ARHGAP6: variants seen among roughly 807,000 people sequenced by gnomAD.
ARHGAP6 encodes the protein rho GTPase-activating protein 6.
In ARHGAP6, 16 loss-of-function variants were observed where a neutral mutation model predicts 55.7. The observed-to-expected ratio is 0.29, with a 90% CI of 0.19 to 0.44. The LOEUF is 0.44. Ranked by LOEUF, ARHGAP6 falls within the 20% of genes least tolerant of loss-of-function variation. The pLI, the probability that ARHGAP6 is intolerant of heterozygous loss-of-function variation, is 1.00. For missense variants in ARHGAP6, 698 were observed against 808.9 expected (o/e 0.86, Z 1.66); for synonymous variants, 382 against 360.9 (o/e 1.06, Z -0.66).
At chrX:11,170,590 G>A (rs186520438) in intron 8 of ARHGAP6, among the ~76,000 whole-genome samples, 2 of 111,841 alleles carry the variant, frequency 1.8e-5, no homozygotes, top group East Asian at 5.6e-4. Context: ...GGGATGCAAG[G>A]AAGTAGGACT....
chrX:11,354,438 T>C (rs1802015069), intron 1 of ARHGAP6, among the ~76,000 whole-genome samples: 1 of 104,060 alleles, frequency 9.6e-6, no homozygotes, highest in African/African-American at 3.5e-5. Context: ...TCATTTATTG[T>C]GAAATGAGGA....
intron 1 of ARHGAP6, among the ~76,000 whole-genome samples, chrX:11,330,572 A>T (rs902989131): frequency 9.0e-6 from 1 of 111,024 alleles, no homozygotes; most frequent in Non-Finnish European, 1.9e-5. Flanking sequence ...AGATAAACAC[A>T]ATCTTTTACA....
At chrX:11,527,738 A>G (rs2051005543) in intron 1 of ARHGAP6, among the ~76,000 whole-genome samples, 1 of 112,785 alleles carries the variant, frequency 8.9e-6, no homozygotes, top group Non-Finnish European at 1.9e-5. Flanking sequence ...CAGGTCACTC[A>G]GTTAAATTTG....
In ARHGAP6 at chrX:11,664,393, G is replaced by A; in HGVS notation, c.436C>T (p.Pro146Ser). The A allele has an allele frequency of 8.3e-7, 1 of 1,211,886 alleles. No homozygotes were observed. Among genetic ancestry groups the A allele is most frequent in the Non-Finnish European group, 1.1e-6 (1 of 895,435 alleles). ...CTGGAAGCGCTTCGGCTACTGGCTG[G>A]CCCGGCCAGGACAGAAGGCAGGTCC... ...AWDLPSVLAG[P>S]ASSRSASSIL... is the part of the protein sequence containing the mutation. Residue 146 changes from proline (P) to serine (S), a missense_variant, in exon 1 of 13, where the codon CCA (proline) becomes TCA (serine). Coordinates refer to ENST00000337414, the MANE Select transcript of ARHGAP6 (RefSeq NM_013427.3).
chrX:11,154,790 G>A (rs1051855544), intron 10 of ARHGAP6, among the ~76,000 whole-genome samples: 1 of 112,579 alleles, frequency 8.9e-6, no homozygotes, highest in Non-Finnish European at 1.9e-5. Flanking sequence ...ATACCTTGAT[G>A]AGGGTTAGAA....
intron 2 of ARHGAP6, among the ~76,000 whole-genome samples, chrX:11,232,452 C>A (rs1442216784): frequency 9.2e-6 from 1 of 109,102 alleles, no homozygotes; most frequent in Non-Finnish European, 1.9e-5. Context: ...GAAACCTCAT[C>A]TCTACTAAAA....
At chrX:11,242,107 G>T (rs971523917) in intron 2 of ARHGAP6, among the ~76,000 whole-genome samples, 1 of 111,949 alleles carries the variant, frequency 8.9e-6, no homozygotes, top group African/African-American at 3.2e-5. Context: ...TTCTGGCAGG[G>T]TGATTAGTTC....
intron 2 of ARHGAP6, among the ~76,000 whole-genome samples, chrX:11,203,961 C>A (rs1356709815): frequency 8.9e-6 from 1 of 111,869 alleles, no homozygotes; most frequent in African/African-American, 3.3e-5. Flanking sequence ...ACTTTTCTAC[C>A]AATTATGGTC....
chrX:11,218,425 T>A (rs1485678846), intron 2 of ARHGAP6, among the ~76,000 whole-genome samples: 1 of 111,827 alleles, frequency 8.9e-6, no homozygotes. Flanking sequence ...GAAATTTTCT[T>A]TTTTTCTTGT....
intron 1 of ARHGAP6, among the ~76,000 whole-genome samples, chrX:11,452,838 G>A (rs892997986): frequency 9.0e-6 from 1 of 111,104 alleles, no homozygotes; most frequent in African/African-American, 3.3e-5. Context: ...AGCTCACTTA[G>A]TTATTAAGAT....
intron 2 of ARHGAP6, among the ~76,000 whole-genome samples, chrX:11,224,975 C>T (rs767526144): frequency 9.0e-6 from 1 of 111,381 alleles, no homozygotes; most frequent in Admixed American, 9.6e-5. Flanking sequence ...ATCTCTGTGC[C>T]TCAGTTGCCT....
At chrX:11,405,887 A>G (rs959288162) in intron 1 of ARHGAP6, among the ~76,000 whole-genome samples, 16 of 111,183 alleles carry the variant, frequency 1.4e-4, no homozygotes, top group Non-Finnish European at 2.8e-4. Flanking sequence ...ATAAAATGAT[A>G]TAAAGAAACC....
intron 1 of ARHGAP6, among the ~76,000 whole-genome samples, chrX:11,503,382 CTG>C (rs1323811526): frequency 1.8e-5 from 2 of 111,890 alleles, no homozygotes; most frequent in African/African-American, 3.2e-5. Context: ...CATTCCTCGA[CTG>C]TGTGTATTAA....
At chrX:11,411,222 T>TATATATATATATATATAA (rs1385399573) in intron 1 of ARHGAP6, among the ~76,000 whole-genome samples, 17 of 79,527 alleles carry the variant, frequency 2.1e-4, no homozygotes, top group South Asian at 1.4e-3. Flanking sequence ...TATATATATA[T>TATATATATATATATATAA]AAAATATACA....
chrX:11,625,967 T>C (rs1179169162), intron 1 of ARHGAP6, among the ~76,000 whole-genome samples: 1 of 111,073 alleles, frequency 9.0e-6, no homozygotes, highest in Non-Finnish European at 1.9e-5. Flanking sequence ...ATAAATAAAA[T>C]AAAATACCAT....
intron 1 of ARHGAP6, among the ~76,000 whole-genome samples, chrX:11,514,105 T>A (rs1223515743): frequency 1.1e-5 from 1 of 91,182 alleles, no homozygotes; most frequent in Admixed American, 1.5e-4. Flanking sequence ...GAGGTTGCAG[T>A]GAGCTAAGAT....
At chrX:11,646,778 G>A (rs1040362559) in intron 1 of ARHGAP6, among the ~76,000 whole-genome samples, 2 of 112,071 alleles carry the variant, frequency 1.8e-5, no homozygotes, top group Admixed American at 9.4e-5. Flanking sequence ...AAACAAAATT[G>A]TTGAGAAAAC....
intron 1 of ARHGAP6, among the ~76,000 whole-genome samples, chrX:11,403,477 T>C (rs748528542): frequency 8.9e-6 from 1 of 112,510 alleles, no homozygotes; most frequent in Non-Finnish European, 1.9e-5. Flanking sequence ...AACTTTTCTA[T>C]TGTTTGCATA....
intron 1 of ARHGAP6, among the ~76,000 whole-genome samples, chrX:11,269,835 C>T: frequency 9.0e-6 from 1 of 111,722 alleles, no homozygotes; most frequent in African/African-American, 3.3e-5. Context: ...CCATTCCTAG[C>T]ACCCTGACCT....
Sources: gnomAD v4.1 joint callset for allele counts (sites outside exome capture counted in the v4.1 genomes callset) on GRCh38, gnomAD v4.1.1 for gene constraint, MANE v1.5 for transcripts, NCBI Gene and HGNC (gene_info 2026-07-23, HGNC 2026-07-21) for gene names.